PRR5L: variants seen among roughly 807,000 people sequenced by gnomAD.
PRR5L encodes proline-rich protein 5-like.
In PRR5L, 21 loss-of-function variants were observed where a neutral mutation model predicts 36.4. That is an observed-to-expected ratio of 0.58 (90% confidence interval 0.41 to 0.83). The LOEUF is 0.83. Ranked by LOEUF, PRR5L falls within the 40% of genes least tolerant of loss-of-function variation. The pLI is 0.00. For missense variants in PRR5L, 381 were observed against 473.3 expected (o/e 0.80, Z 1.81); for synonymous variants, 188 against 197.0 (o/e 0.95, Z 0.38).
At chr11:36,376,824 G>A in intron 1 of PRR5L, 3 of 756,498 alleles carry the variant, frequency 4.0e-6, no homozygotes, top group Non-Finnish European at 4.8e-6. Flanking sequence ...GCGGGGGTAG[G>A]AGCTAGGGAA....
intron 1 of PRR5L, among the ~76,000 whole-genome samples, chr11:36,319,701 T>C (rs1238414064): frequency 6.8e-6 from 1 of 146,182 alleles, no homozygotes; most frequent in African/African-American, 2.5e-5. Context: ...TTTTTTTTGC[T>C]TAAGTGTATT....
intron 1 of PRR5L, among the ~76,000 whole-genome samples, chr11:36,317,741 G>C (rs1192793180): frequency 6.6e-6 from 1 of 152,126 alleles, no homozygotes; most frequent in Admixed American, 6.5e-5. Flanking sequence ...CATCATTCTG[G>C]TTCCTGGTGG....
chr11:36,300,241 C>T (rs1328810263), intron 1 of PRR5L, among the ~76,000 whole-genome samples: 1 of 152,122 alleles, frequency 6.6e-6, no homozygotes, highest in Non-Finnish European at 1.5e-5. Context: ...GCACTTGCAT[C>T]TGCTCAGCTT....
At chr11:36,425,177 A>G (rs1858355445) in intron 4 of PRR5L, among the ~76,000 whole-genome samples, 1 of 152,230 alleles carries the variant, frequency 6.6e-6, no homozygotes, top group African/African-American at 2.4e-5. Flanking sequence ...AAGTCTGGCA[A>G]TGCTTTCAGC....
chr11:36,327,846 C>A (rs11033553), intron 1 of PRR5L, among the ~76,000 whole-genome samples: 24,103 of 152,148 alleles, frequency 0.16, 2,270 homozygotes, highest in African/African-American at 0.27. Context: ...CCTGTCGGCA[C>A]CCCCTGTCCC....
At chr11:36,439,340 AG>A (rs575079617) in intron 6 of PRR5L, among the ~76,000 whole-genome samples, 79 of 151,642 alleles carry the variant, frequency 5.2e-4, no homozygotes, top group South Asian at 1.5e-3. Flanking sequence ...AAGGTTGGGG[AG>A]GGGGGTTTTA....
At chr11:36,431,429 G>A (rs751927) in intron 4 of PRR5L, among the ~76,000 whole-genome samples, 74,420 of 151,722 alleles carry the variant, frequency 0.49, 19,797 homozygotes, top group Non-Finnish European at 0.59. Flanking sequence ...TCTCTTTCAT[G>A]CTAGTGTGAG....
chr11:36,340,332 G>A (rs562486868), intron 1 of PRR5L, among the ~76,000 whole-genome samples: 1 of 152,288 alleles, frequency 6.6e-6, no homozygotes, highest in East Asian at 1.9e-4. Flanking sequence ...GTGCAGATGG[G>A]GTATGTGCTG....
At chr11:36,341,200 G>A (rs1014723284) in intron 1 of PRR5L, among the ~76,000 whole-genome samples, 2 of 152,100 alleles carry the variant, frequency 1.3e-5, no homozygotes, top group African/African-American at 4.8e-5. Context: ...ATGATAAATG[G>A]AGCCTGTCAC....
rs528226594 is a variant in PRR5L, at chr11:36,447,924, G to A, written c.585+1484G>A. Among the ~76,000 whole-genome samples, 56 of 152,322 alleles carry A rather than the reference G, an allele frequency of 3.7e-4. No individual in the cohort carries two copies. In the Middle Eastern group the frequency reaches 0.01, roughly 28 times the overall value. On this transcript the variant is annotated intron_variant, in intron 7 of 8. Transcript: ENST00000530639. Reference sequence around the variant, plus strand: ...TTAGAGCATGCTTCCTGAATAAGGAGTCTTGAAAATGAGCCCTTTGGGATT... The same window carrying A: ...TTAGAGCATGCTTCCTGAATAAGGAATCTTGAAAATGAGCCCTTTGGGATT...
intron 8 of PRR5L, among the ~76,000 whole-genome samples, chr11:36,453,541 A>T (rs1858986500): frequency 6.6e-6 from 1 of 152,114 alleles, no homozygotes; most frequent in Non-Finnish European, 1.5e-5. Flanking sequence ...GAAGGATGTG[A>T]CCCTCTTTTG....
chr11:36,432,509 C>T (rs1156631781), intron 5 of PRR5L, among the ~76,000 whole-genome samples: 2 of 152,192 alleles, frequency 1.3e-5, no homozygotes, highest in Non-Finnish European at 2.9e-5. Flanking sequence ...CCCCATGACT[C>T]TACCAAGGGC....
chr11:36,400,935 A>G lies in PRR5L; in HGVS notation c.-125-62A>G, dbSNP rs886865653. On this transcript the variant is annotated intron_variant, in intron 1 of 8. Transcript: ENST00000530639. ...TAGTTAGGCTGGAAAGTCCCAGCCA[A>G]CTTCCTCTAAGAGGTGTTCTCAGGC... 3.8e-6 allele frequency: 5 copies of G among 1,314,248 alleles called. No homozygotes were observed. In the Admixed American group the frequency reaches 1.0e-4, roughly 26 times the overall value. The allele number at this position is 1,314,248 out of a possible 1,614,324, so 81.4% of individuals were successfully genotyped here.
At chr11:36,298,715 C>T (rs919217726) in intron 1 of PRR5L, among the ~76,000 whole-genome samples, 11 of 152,266 alleles carry the variant, frequency 7.2e-5, no homozygotes, top group East Asian at 3.9e-4. Context: ...TTGGGGGCCC[C>T]GGGCTTAAAC....
In PRR5L at chr11:36,419,280, T is replaced by C. The variant is rs142197197; in HGVS notation, c.271T>C (p.Ser91Pro). 1 of 1,614,144 alleles carries C rather than the reference T, an allele frequency of 6.2e-7. No homozygotes were observed. Among genetic ancestry groups the C allele is most frequent in the Admixed American group, 1.7e-5 (1 of 60,030 alleles). ...GCGGCTGTTGAAGAGTGAACTTGGA[T>C]CATTCATTACAGACTATTTTCAGGT... ...IRRLLKSELG[S>P]FITDYFQNQL... Residue 91 changes from serine (S) to proline (P), a missense_variant, in exon 4 of 9, where the codon TCA becomes CCA. Transcript: ENST00000530639.
chr11:36,395,278 A>T lies in PRR5L; in HGVS notation c.-125-5719A>T, dbSNP rs188299340. On this transcript the variant is annotated intron_variant, in intron 1 of 8. Coordinates refer to ENST00000530639, the MANE Select transcript of PRR5L (RefSeq NM_001160167.2). ...GCTACCATTAAACATAATAAAGTAGATCAATATGTAGTGATATGGGAAGAT... is the reference window on the plus strand; with the variant it reads ...GCTACCATTAAACATAATAAAGTAGTTCAATATGTAGTGATATGGGAAGAT... 5.4e-3 allele frequency among the ~76,000 whole-genome samples: 819 copies of T among 152,362 alleles called. 4 individuals are homozygous for T. The highest frequency in any genetic ancestry group is 7.5e-3 in the Non-Finnish European group (513 of 68,036).
chr11:36,338,642 A>G (rs1856790246), intron 1 of PRR5L, among the ~76,000 whole-genome samples: 1 of 152,146 alleles, frequency 6.6e-6, no homozygotes, highest in South Asian at 2.1e-4. Context: ...TTGGCCTCAT[A>G]GTTCACATGT....
At chr11:36,306,113 T>C (rs1856428579) in intron 1 of PRR5L, among the ~76,000 whole-genome samples, 1 of 152,172 alleles carries the variant, frequency 6.6e-6, no homozygotes, top group African/African-American at 2.4e-5. Flanking sequence ...TTTTTAATTA[T>C]TACACTTTAA....
chr11:36,343,416 T>C (rs1319237533), intron 1 of PRR5L, among the ~76,000 whole-genome samples: 1 of 152,232 alleles, frequency 6.6e-6, no homozygotes, highest in East Asian at 1.9e-4. Flanking sequence ...TGCCTGAGGC[T>C]GTCTGTAAAG....
Sources: allele counts gnomAD v4.1 joint callset (sites outside exome capture counted in the v4.1 genomes callset), GRCh38; gene constraint gnomAD v4.1.1; transcripts MANE v1.5; gene names NCBI Gene and HGNC (gene_info 2026-07-23, HGNC 2026-07-21).